Variants in RIMS1 observed in about 807,000 individuals in gnomAD.
RIMS1 encodes the protein regulating synaptic membrane exocytosis protein 1.
A neutral mutation model predicts 214.1 loss-of-function variants in RIMS1; 83 were observed. That is an observed-to-expected ratio of 0.39 (90% CI 0.32 to 0.47). The LOEUF (loss-of-function observed/expected upper bound fraction) is 0.47. Among genes scored for constraint, RIMS1 ranks in the 20% least tolerant of loss-of-function variants. RIMS1 has a pLI of 0.99. For synonymous variants in RIMS1, 793 were observed against 786.8 expected (o/e 1.01, Z -0.13); for missense variants, 2,050 against 2,161.8 (o/e 0.95, Z 1.03).
chr6:72,188,524 C>CA (rs1432756189), intron 6 of RIMS1, among the ~76,000 whole-genome samples: 3 of 152,164 alleles, frequency 2.0e-5, no homozygotes, highest in Non-Finnish European at 2.9e-5. Context: ...TATACATGCA[C>CA]AAATATGTTC....
chr6:72,224,752 G>T (rs545080156), intron 6 of RIMS1, among the ~76,000 whole-genome samples: 3 of 151,838 alleles, frequency 2.0e-5, no homozygotes, highest in Admixed American at 2.0e-4. Context: ...TCATTTTTTT[G>T]TGGTTTATCT....
intron 4 of RIMS1, among the ~76,000 whole-genome samples, chr6:72,101,905 C>T (rs1382714138): frequency 1.3e-5 from 2 of 151,778 alleles, no homozygotes; most frequent in East Asian, 3.9e-4. Context: ...AAATTGCTGT[C>T]ATAAAGAATG....
intron 23 of RIMS1, among the ~76,000 whole-genome samples, chr6:72,276,530 T>A (rs1336934999): frequency 1.3e-5 from 2 of 152,016 alleles, no homozygotes; most frequent in African/African-American, 4.8e-5. Context: ...CCAGAAATGA[T>A]CCTTTTAGAT....
chr6:72,303,076 A>G (rs2154275249), intron 26 of RIMS1, among the ~76,000 whole-genome samples: 1 of 151,148 alleles, frequency 6.6e-6, no homozygotes, highest in African/African-American at 2.4e-5. Context: ...TTTTAAATAT[A>G]TTACTGCAAG....
At chr6:72,075,660 G>A (rs1460742449) in intron 2 of RIMS1, among the ~76,000 whole-genome samples, 1 of 152,122 alleles carries the variant, frequency 6.6e-6, no homozygotes, top group Non-Finnish European at 1.5e-5. Flanking sequence ...AAAACAGAAT[G>A]CTCACCAGCC....
Position 72,258,220 on chromosome 6 carries a change from C to T in RIMS1, c.2866C>T (p.Pro956Ser). Residue 956 changes from proline (P) to serine (S), a missense_variant, in exon 17 of 34, where the codon CCT (proline) becomes TCT (serine). Pro to Ser is a moderately conservative substitution (Grantham distance 74, BLOSUM62 -1). Coordinates refer to ENST00000521978, the MANE Select transcript of RIMS1 (RefSeq NM_014989.7). The stretch of plus-strand genomic sequence containing the variant: ...TCATCACCGCTCACGTTCAGTATCT[C>T]CTCATCGCGGCAATGATCAGGGAAA... ...TTHHRSRSVS[P>S]HRGNDQGKPR... The T allele has an allele frequency of 1.2e-6, 2 of 1,613,440 alleles. No individual in the cohort carries two copies. Among genetic ancestry groups the T allele is most frequent in the South Asian group, 1.1e-5 (1 of 91,040 alleles).
chr6:71,899,798 A>G (rs1773044651), intron 1 of RIMS1, among the ~76,000 whole-genome samples: 2 of 152,144 alleles, frequency 1.3e-5, no homozygotes, highest in Admixed American at 6.6e-5. Flanking sequence ...GCCCAAGGCC[A>G]GGTAATTTAT....
intron 29 of RIMS1, among the ~76,000 whole-genome samples, chr6:72,372,963 A>G (rs1282380669): frequency 6.6e-6 from 1 of 152,230 alleles, no homozygotes; most frequent in East Asian, 1.9e-4. Flanking sequence ...TAATAAGACA[A>G]TTCTTTTTTA....
chr6:71,985,912 C>T (rs1799808858), intron 2 of RIMS1, among the ~76,000 whole-genome samples: 1 of 152,150 alleles, frequency 6.6e-6, no homozygotes. Flanking sequence ...CTGCTTATGC[C>T]TCCTAGGCAG....
At chr6:71,887,365 A>G (rs2150300358) in intron 1 of RIMS1, among the ~76,000 whole-genome samples, 178 bp downstream of exon 1, 1 of 152,172 alleles carries the variant, frequency 6.6e-6, no homozygotes, top group Admixed American at 6.5e-5. Flanking sequence ...AGGTCAGGGG[A>G]CCGGAGGAGG....
At chr6:72,122,207 C>T (rs376724387) in intron 4 of RIMS1, among the ~76,000 whole-genome samples, 28,415 of 136,284 alleles carry the variant, frequency 0.21, 3,704 homozygotes, top group Non-Finnish European at 0.26. Flanking sequence ...TTCCTTTTTT[C>T]TTTTTTTTTT....
chr6:72,376,573 C>G (rs937289744), intron 29 of RIMS1, among the ~76,000 whole-genome samples: 9 of 152,080 alleles, frequency 5.9e-5, no homozygotes, highest in Non-Finnish European at 1.2e-4. Context: ...TGATGAAACC[C>G]TGTCTCTACA....
intron 6 of RIMS1, among the ~76,000 whole-genome samples, chr6:72,196,813 G>A (rs55942713): frequency 0.19 from 27,659 of 146,324 alleles, 3,068 homozygotes; most frequent in Non-Finnish European, 0.25. Context: ...AGGCATGAGG[G>A]TGTGGTGGTG....
At chr6:72,322,701 G>A (rs981517317) in intron 28 of RIMS1, among the ~76,000 whole-genome samples, 2 of 152,170 alleles carry the variant, frequency 1.3e-5, no homozygotes, top group South Asian at 4.1e-4. Flanking sequence ...AAAACACAAG[G>A]TAAGTGGTAA....
Position 71,887,095 on chromosome 6 carries a change from C to T in RIMS1, c.72C>T (p.Asp24=), listed in dbSNP as rs760113036. ...CTCCCCCCATGCAAGAGCTGCCCGA[C>T]CTGAGCCACCTGACCGAAGAGGAGA... is the stretch of plus-strand genomic sequence containing the variant. ...TVPPPMQELP[D]LSHLTEEERN... Residue 24 remains aspartate (D), a synonymous_variant, in exon 1 of 34, where the codon GAC becomes GAT. Coordinates refer to ENST00000521978, the MANE Select transcript of RIMS1 (RefSeq NM_014989.7). The T allele has an allele frequency of 6.2e-7, 1 of 1,613,538 alleles. No individual in the cohort carries two copies. The highest frequency in any genetic ancestry group is 1.3e-5 in the African/African-American group (1 of 74,928).
chr6:72,067,789 T>A (rs981495384), intron 2 of RIMS1, among the ~76,000 whole-genome samples: 11 of 152,204 alleles, frequency 7.2e-5, no homozygotes, highest in Non-Finnish European at 1.5e-4. Context: ...GCATACTGAG[T>A]ACTATACTCT....
chr6:72,280,469 A>G (rs1229389275), intron 23 of RIMS1, among the ~76,000 whole-genome samples: 1 of 152,066 alleles, frequency 6.6e-6, no homozygotes, highest in Non-Finnish European at 1.5e-5. Flanking sequence ...AATAGAAAAT[A>G]ACATTAGAAT....
chr6:72,010,590 C>T (rs1810105393), intron 2 of RIMS1, among the ~76,000 whole-genome samples: 1 of 152,182 alleles, frequency 6.6e-6, no homozygotes, highest in African/African-American at 2.4e-5. Flanking sequence ...CCTATTGTTT[C>T]AGCCCAAAAT....
intron 2 of RIMS1, among the ~76,000 whole-genome samples, chr6:72,009,024 C>A (rs567133354): frequency 1.0e-3 from 157 of 152,304 alleles, no homozygotes; most frequent in African/African-American, 3.7e-3. Context: ...AATATACATT[C>A]TTCTCAGCAC....
Sources: gnomAD v4.1 joint callset for allele counts (sites outside exome capture counted in the v4.1 genomes callset) on GRCh38, gnomAD v4.1.1 for gene constraint, MANE v1.5 for transcripts, NCBI Gene and HGNC (gene_info 2026-07-23, HGNC 2026-07-21) for gene names.